FAM227A: variants seen among roughly 807,000 people sequenced by gnomAD.
FAM227A encodes protein FAM227A.
Under a neutral mutation model 74.7 loss-of-function variants are expected in FAM227A, and 80 were observed. The observed-to-expected ratio is 1.07, with a 90% CI of 0.89 to 1.29. FAM227A has a LOEUF of 1.29. FAM227A is among the 50% of genes most tolerant of loss of function. The pLI, the probability that FAM227A is intolerant of heterozygous loss-of-function variation, is 0.00. For missense variants in FAM227A, 654 were observed against 683.4 expected, an observed-to-expected ratio of 0.96 and a Z score of 0.48; for synonymous variants, 237 against 241.8, an observed-to-expected ratio of 0.98 and a Z score of 0.19.
chr22:38,587,561 T>C (rs1382632562), intron 16 of FAM227A, among the ~76,000 whole-genome samples: 1 of 151,970 alleles, frequency 6.6e-6, no homozygotes, highest in Non-Finnish European at 1.5e-5. Flanking sequence ...TTATAACAAA[T>C]AAAACGATTG....
At chr22:38,606,796 C>G (rs2091293380) in intron 12 of FAM227A, among the ~76,000 whole-genome samples, 1 of 152,160 alleles carries the variant, frequency 6.6e-6, no homozygotes, top group Non-Finnish European at 1.5e-5. Flanking sequence ...GTCATCATGT[C>G]TTAAATTTAT....
rs2091858763 is a variant in FAM227A at position 38,628,718 on chromosome 22, G to A, written c.621+116C>T. 1.6e-5 allele frequency: 11 copies of A among 705,708 alleles called. No homozygotes were observed. The East Asian group carries it at 2.7e-4, about 17-fold the overall frequency. 43.7% of individuals were successfully genotyped at this position (705,708 alleles called of 1,614,324 possible). ...GGGAGGGGACTGGGTGACAGGGGAG[G>A]CTGTGGGGTGCTCCATGGGATCAGA... On this transcript the variant is annotated intron_variant, in intron 7 of 16. Coordinates refer to ENST00000535113, the MANE Select transcript of FAM227A (RefSeq NM_001013647.2).
chr22:38,594,375 C>T (rs2091000045), intron 15 of FAM227A, among the ~76,000 whole-genome samples: 1 of 152,184 alleles, frequency 6.6e-6, no homozygotes, highest in Non-Finnish European at 1.5e-5. Context: ...TTGTCCTCAA[C>T]CTCAGCTTCC....
At chr22:38,638,952 T>C (rs926934237) in intron 4 of FAM227A, 130 bp from the exon 5 acceptor site, 7 of 594,374 alleles carry the variant, frequency 1.2e-5, no homozygotes, top group Non-Finnish European at 2.0e-5. Flanking sequence ...GTCTCATAGG[T>C]CCCAACTGTG....
intron 15 of FAM227A, among the ~76,000 whole-genome samples, chr22:38,596,414 C>T (rs1049431248): frequency 5.9e-5 from 9 of 152,128 alleles, no homozygotes; most frequent in East Asian, 3.8e-4. Context: ...CACAGTGGCT[C>T]GTGTCTGTAA....
chr22:38,595,350 C>T (rs75897813), intron 15 of FAM227A, among the ~76,000 whole-genome samples: 8,509 of 152,176 alleles, frequency 0.056, 336 homozygotes, highest in African/African-American at 0.11. Context: ...TCCCATGCTT[C>T]CCTTGCAGAC....
At chr22:38,638,070 CAGG>C (rs574930260) in intron 5 of FAM227A, among the ~76,000 whole-genome samples, 142 of 152,300 alleles carry the variant, frequency 9.3e-4, no homozygotes, top group Non-Finnish European at 1.5e-3. Flanking sequence ...GAGGCTAAGA[CAGG>C]AGAATCACTT....
intron 13 of FAM227A, among the ~76,000 whole-genome samples, chr22:38,602,542 T>C (rs2146225999): frequency 6.6e-6 from 1 of 150,410 alleles, no homozygotes; most frequent in African/African-American, 2.4e-5. Context: ...CAAGGAAAAA[T>C]CTACACGACT....
At chr22:38,594,625 G>A (rs1400589910) in intron 15 of FAM227A, among the ~76,000 whole-genome samples, 1 of 152,140 alleles carries the variant, frequency 6.6e-6, no homozygotes, top group East Asian at 1.9e-4. Context: ...GTCTAATGGG[G>A]TTTTGTGAAT....
chr22:38,626,432 C>T, intron 8 of FAM227A, 129 bp from the exon 9 acceptor site: 1 of 1,162,226 alleles, frequency 8.6e-7, no homozygotes, highest in Non-Finnish European at 1.2e-6. Flanking sequence ...AGACAAGGTT[C>T]TCACTGTGTT....
At chr22:38,628,208 C>T in intron 8 of FAM227A, 30 bp downstream of exon 8, 1 of 1,341,116 alleles carries the variant, frequency 7.5e-7, no homozygotes, top group Non-Finnish European at 1.0e-6. Flanking sequence ...TCTAATGTGA[C>T]TTTTTTTCTA....
chr22:38,592,703 G>C (rs1036629351), intron 15 of FAM227A, among the ~76,000 whole-genome samples: 1 of 152,160 alleles, frequency 6.6e-6, no homozygotes, highest in African/African-American at 2.4e-5. Flanking sequence ...ATATCTACTG[G>C]AGTCCTTGTA....
At chr22:38,591,292 C>G in intron 16 of FAM227A, 143 bp downstream of exon 16, 1 of 1,379,860 alleles carries the variant, frequency 7.2e-7, no homozygotes, top group Non-Finnish European at 9.4e-7. Flanking sequence ...CCACTGCACT[C>G]AGCCTTGAGG....
chr22:38,648,876 G>A (rs980908479), intron 2 of FAM227A, among the ~76,000 whole-genome samples: 1 of 151,312 alleles, frequency 6.6e-6, no homozygotes, highest in East Asian at 2.0e-4. Flanking sequence ...GGGGGCTGAG[G>A]CAGAAGAATC....
Position 38,582,944 on chromosome 22 carries a change from G to C in FAM227A, c.*3181C>G, listed in dbSNP as rs2090731290. On this transcript the variant is annotated 3_prime_UTR_variant, in exon 17 of 17. Coordinates refer to ENST00000535113, the MANE Select transcript of FAM227A (RefSeq NM_001013647.2). Reference sequence around the variant, plus strand: ...TGGAGGAAGAGCAGGAATTAGTGATGTTGGCAGTTAACAAAGAGGAGGGAG... The same window carrying C: ...TGGAGGAAGAGCAGGAATTAGTGATCTTGGCAGTTAACAAAGAGGAGGGAG... 1.3e-6 allele frequency: 2 copies of C among 1,550,448 alleles called. No homozygotes were observed. Among genetic ancestry groups the C allele is most frequent in the Non-Finnish European group, 1.7e-6 (2 of 1,146,972 alleles).
At chr22:38,604,738 C>T (rs1010338604) in intron 13 of FAM227A, among the ~76,000 whole-genome samples, 3 of 152,144 alleles carry the variant, frequency 2.0e-5, no homozygotes. Context: ...ACTGCAACAT[C>T]CGCCTCCCAG....
intron 11 of FAM227A, among the ~76,000 whole-genome samples, chr22:38,616,291 G>T (rs2091574338): frequency 6.6e-6 from 1 of 152,344 alleles, no homozygotes; most frequent in South Asian, 2.1e-4. Flanking sequence ...CGCGCTGTTG[G>T]CAAGAGCAGC....
intron 11 of FAM227A, among the ~76,000 whole-genome samples, chr22:38,609,227 G>C (rs565877472): frequency 6.6e-6 from 1 of 152,192 alleles, no homozygotes; most frequent in Non-Finnish European, 1.5e-5. Flanking sequence ...ACTGCCACAC[G>C]ACACATCCAC....
rs754710866 is a variant in FAM227A, at chr22:38,639,647, GT to G, written c.295+7del. On this transcript the variant is annotated splice_region_variant and intron_variant, in intron 4 of 16. Transcript: ENST00000535113. ...AAAGAGCATCAAGGCTGAGGGAAAGGTTTTTGCCTTTGTCTTCTGGACTGCT... is the reference window on the plus strand; with the variant it reads ...AAAGAGCATCAAGGCTGAGGGAAAGGTTTTGCCTTTGTCTTCTGGACTGCT... 1 of 1,551,708 alleles carries G rather than the reference GT, an allele frequency of 6.4e-7. No homozygotes were observed. The highest frequency in any genetic ancestry group is 8.7e-7 in the Non-Finnish European group (1 of 1,146,910).
Sources: gnomAD v4.1 joint callset for allele counts (sites outside exome capture counted in the v4.1 genomes callset) on GRCh38, gnomAD v4.1.1 for gene constraint, MANE v1.5 for transcripts, NCBI Gene and HGNC (gene_info 2026-07-23, HGNC 2026-07-21) for gene names.